KCNH1: variants seen among roughly 807,000 people sequenced by gnomAD.
KCNH1 encodes the protein voltage-gated delayed rectifier potassium channel KCNH1.
Under a neutral mutation model 69.2 loss-of-function variants are expected in KCNH1, and 27 were observed. The ratio of observed to expected loss-of-function variants is 0.39; its 90% CI spans 0.29 to 0.54. The LOEUF (loss-of-function observed/expected upper bound fraction) is 0.54, where lower values mean the gene tolerates loss of function less well. KCNH1 is among the 20% of genes least tolerant of loss of function. KCNH1 has a pLI of 0.68. For missense variants in KCNH1, 798 were observed against 1,261.6 expected (o/e 0.63, Z 5.57); for synonymous variants, 456 against 487.7 (o/e 0.93, Z 0.86).
chr1:210,756,869 G>A (rs1244298736), intron 10 of KCNH1, among the ~76,000 whole-genome samples: 1 of 152,186 alleles, frequency 6.6e-6, no homozygotes, highest in East Asian at 1.9e-4. Context: ...GGTAAAACAA[G>A]GTCAGGAAGG....
At chr1:210,800,707 G>A (rs1770219) in intron 8 of KCNH1, among the ~76,000 whole-genome samples, 25,736 of 151,946 alleles carry the variant, frequency 0.17, 2,331 homozygotes, top group Non-Finnish European at 0.2. Context: ...CCCACAGCCG[G>A]CTCCCAACCC....
intron 4 of KCNH1, among the ~76,000 whole-genome samples, chr1:211,088,105 C>T (rs1392387201): frequency 6.6e-6 from 1 of 152,128 alleles, no homozygotes; most frequent in Admixed American, 6.5e-5. Context: ...ATTTTAAGGA[C>T]AATTTGAACA....
At chr1:211,063,531 G>C (rs562969651) in intron 5 of KCNH1, 2 of 152,110 alleles carry the variant, frequency 1.3e-5, no homozygotes, top group Non-Finnish European at 2.9e-5. Flanking sequence ...ACTTGAAGTC[G>C]GGAGTTCGAG....
chr1:210,799,474 C>A (rs1482388121), intron 8 of KCNH1, among the ~76,000 whole-genome samples: 1 of 152,174 alleles, frequency 6.6e-6, no homozygotes, highest in East Asian at 1.9e-4. Flanking sequence ...ATGCAGATCT[C>A]ATCTTCTGAA....
chr1:210,799,200 C>A (rs1684382714), intron 8 of KCNH1, among the ~76,000 whole-genome samples: 1 of 152,030 alleles, frequency 6.6e-6, no homozygotes, highest in East Asian at 1.9e-4. Context: ...TTAATCCTCC[C>A]ACAAACTGTA....
chr1:211,025,628 C>G (rs1452125935), intron 5 of KCNH1, among the ~76,000 whole-genome samples: 4 of 152,006 alleles, frequency 2.6e-5, no homozygotes, highest in Non-Finnish European at 5.9e-5. Context: ...GGGTCTAAAA[C>G]CCCTCATGGC....
intron 9 of KCNH1, 62 bp downstream of exon 9, chr1:210,797,446 A>G (rs1684337965): frequency 1.3e-6 from 2 of 1,576,572 alleles, no homozygotes; most frequent in Non-Finnish European, 8.7e-7. Flanking sequence ...AGTGGCATTG[A>G]GCTGCCCAGA....
chr1:210,978,687 T>C (rs1292786858), intron 6 of KCNH1, among the ~76,000 whole-genome samples: 2 of 152,216 alleles, frequency 1.3e-5, no homozygotes, highest in Non-Finnish European at 2.9e-5. Flanking sequence ...CTGTTAACTA[T>C]TATTACGCTT....
chr1:210,859,781 T>C (rs1284342266), intron 7 of KCNH1: 2 of 1,014,242 alleles, frequency 2.0e-6, no homozygotes, highest in Non-Finnish European at 3.2e-6. Context: ...AGAACACACA[T>C]CCTTCTGTCA....
Position 210,738,272 on chromosome 1 carries a change from C to T in KCNH1, c.2112+37076G>A, listed in dbSNP as rs75369805. On this transcript the variant is annotated intron_variant, in intron 10 of 10. Coordinates refer to ENST00000271751, the MANE Select transcript of KCNH1 (RefSeq NM_172362.3). ...TGTCTCCTTACTTGTGAAGGCTTCT[C>T]TGGCCACTCTACGTCAAGTGATCCA... 7.6e-4 allele frequency among the ~76,000 whole-genome samples: 116 copies of T among 152,346 alleles called. 1 individual carries two copies. In the East Asian group the frequency reaches 0.015, roughly 19 times the overall value.
At chr1:211,103,395 TG>T in intron 3 of KCNH1, 100 bp downstream of exon 3, 1 of 683,460 alleles carries the variant, frequency 1.5e-6, no homozygotes, top group Non-Finnish European at 2.5e-6. Flanking sequence ...AGCATTTAGC[TG>T]GTGGGAGAGA....
intron 6 of KCNH1, among the ~76,000 whole-genome samples, chr1:210,983,083 T>C (rs1437450319): frequency 6.6e-6 from 1 of 151,710 alleles, no homozygotes; most frequent in Non-Finnish European, 1.5e-5. Context: ...GAGAAGTGTC[T>C]GTTCATATCC....
intron 5 of KCNH1, among the ~76,000 whole-genome samples, chr1:211,065,705 GTA>G (rs980347823): frequency 6.6e-6 from 1 of 152,092 alleles, no homozygotes; most frequent in African/African-American, 2.4e-5. Flanking sequence ...ATTCTACAAT[GTA>G]TATATATTTC....
rs192129410 is a variant in KCNH1 at position 210,941,581 on chromosome 1, G to C, written c.1033-21512C>G. 2.0e-3 allele frequency among the ~76,000 whole-genome samples: 312 copies of C among 152,294 alleles called. 3 individuals are homozygous for C. The highest frequency in any genetic ancestry group is 1.4e-3 in the East Asian group (7 of 5,184). On this transcript the variant is annotated intron_variant, in intron 6 of 10. Coordinates refer to ENST00000271751, the MANE Select transcript of KCNH1 (RefSeq NM_172362.3). ...ATACTCAGGGACTACCTCACATGTT[G>C]GGCAAACCAAAGCTCTGCGAGGCAG...
intron 9 of KCNH1, among the ~76,000 whole-genome samples, chr1:210,789,232 G>A (rs1240676174): frequency 6.6e-6 from 1 of 152,184 alleles, no homozygotes; most frequent in African/African-American, 2.4e-5. Flanking sequence ...GTGCAGTGGG[G>A]TACCCCCTCC....
chr1:211,040,834 T>C (rs1403313671), intron 5 of KCNH1, among the ~76,000 whole-genome samples: 1 of 152,172 alleles, frequency 6.6e-6, no homozygotes, highest in Admixed American at 6.5e-5. Context: ...GTCACATATC[T>C]ACAAATCAGC....
At chr1:210,852,825 G>C (rs1454515387) in intron 7 of KCNH1, among the ~76,000 whole-genome samples, 1 of 152,172 alleles carries the variant, frequency 6.6e-6, no homozygotes, top group Non-Finnish European at 1.5e-5. Context: ...GAATTTCTTA[G>C]ATATCCCATT....
intron 6 of KCNH1, among the ~76,000 whole-genome samples, chr1:210,988,480 G>A (rs1198981921): frequency 2.0e-5 from 3 of 152,272 alleles, no homozygotes; most frequent in South Asian, 2.1e-4. Flanking sequence ...GCTGAGAACC[G>A]TTTACAAATT....
At chr1:210,977,285 G>T (rs1178503973) in intron 6 of KCNH1, among the ~76,000 whole-genome samples, 2 of 152,090 alleles carry the variant, frequency 1.3e-5, no homozygotes, top group East Asian at 3.9e-4. Flanking sequence ...CACACACTGG[G>T]GCCTGTCGTG....
Sources: allele counts gnomAD v4.1 joint callset (sites outside exome capture counted in the v4.1 genomes callset), GRCh38; gene constraint gnomAD v4.1.1; transcripts MANE v1.5; gene names NCBI Gene and HGNC (gene_info 2026-07-23, HGNC 2026-07-21).